SRSF3: variants seen among roughly 807,000 people sequenced by gnomAD.
The protein encoded by SRSF3 is serine and arginine rich splicing factor 3.
For synonymous variants in SRSF3, 87 were observed against 73.6 expected (o/e 1.18, Z -0.93); for missense variants, 58 against 217.1 (o/e 0.27, Z 4.61).
intron 4 of SRSF3, 30 bp from the exon 5 acceptor site, chr6:36,601,678 A>G (rs1778718492): frequency 1.3e-6 from 2 of 1,550,478 alleles, no homozygotes; most frequent in African/African-American, 1.4e-5. Flanking sequence ...ATCATACCTC[A>G]TTGGTCCTAA....
chr6:36,594,840 G>A (rs1264894503), intron 1 of SRSF3: 1 of 151,204 alleles, frequency 6.6e-6, no homozygotes. Flanking sequence ...TTTTTGTAAA[G>A]TCACTAACCA....
chr6:36,595,922 T>C (rs950785037), intron 1 of SRSF3, among the ~76,000 whole-genome samples: 18 of 147,204 alleles, frequency 1.2e-4, no homozygotes, highest in South Asian at 2.2e-4. Context: ...TATTTATTTA[T>C]TTATTTGTGG....
chr6:36,597,748 A>C (rs894279017), intron 2 of SRSF3, among the ~76,000 whole-genome samples: 2 of 151,656 alleles, frequency 1.3e-5, no homozygotes, highest in Admixed American at 6.6e-5. Flanking sequence ...CTCTTCAAAT[A>C]TGATAGCTTA....
chr6:36,602,304 G>T lies in SRSF3; in HGVS notation c.*315G>T, dbSNP rs749474215. ...CTCTAAACCTGCCCAGCGGAAGTGTGTTTTTTTTTAAATTTAAATACAGAA... is the reference window on the plus strand; with the variant it reads ...CTCTAAACCTGCCCAGCGGAAGTGTTTTTTTTTTTAAATTTAAATACAGAA... On this transcript the variant is annotated 3_prime_UTR_variant, in exon 6 of 6. Coordinates refer to ENST00000373715, the MANE Select transcript of SRSF3 (RefSeq NM_003017.5). 121 of 326,778 alleles carry T rather than the reference G, an allele frequency of 3.7e-4. No individual in the cohort carries two copies. The highest frequency in any genetic ancestry group is 1.0e-3 in the East Asian group (22 of 21,320). The allele number at this position is 326,778 out of a possible 1,614,324, so 20.2% of individuals were successfully genotyped here.
At position 36,604,155 on chromosome 6, in the gene SRSF3, G is replaced by T. The variant is rs73408349; in HGVS notation, c.*2166G>T. On this transcript the variant is annotated 3_prime_UTR_variant, in exon 6 of 6. Transcript: ENST00000373715. ...CCTAAAATAACAGGTCACACTAACC[G>T]GTCTTGTCCATATTCAGGGTTGAGT... 4.5e-6 allele frequency: 1 copy of T among 222,396 alleles called. No individual in the cohort carries two copies. The highest frequency in any genetic ancestry group is 9.0e-6 in the Non-Finnish European group (1 of 111,356). 13.8% of individuals were successfully genotyped at this position (222,396 alleles called of 1,614,324 possible). A position where few individuals can be genotyped will look rare whatever the true frequency, so the allele number is the denominator to read the frequency against.
chr6:36,597,504 G>A (rs1778650586), intron 2 of SRSF3, among the ~76,000 whole-genome samples: 1 of 151,890 alleles, frequency 6.6e-6, no homozygotes, highest in African/African-American at 2.4e-5. Flanking sequence ...ACTTTTATGT[G>A]TTTGAAATAC....
chr6:36,603,721 TCA>T lies in SRSF3; in HGVS notation c.*1735_*1736del. ...ATTGGGCATTTTGTCTTTAGTATTC[TCA>T]CATAGCCTACAACCTGTTCCTGTTA... On this transcript the variant is annotated 3_prime_UTR_variant, in exon 6 of 6. Coordinates refer to ENST00000373715, the MANE Select transcript of SRSF3 (RefSeq NM_003017.5). The T allele has an allele frequency of 8.7e-6, 2 of 230,952 alleles. No individual in the cohort carries two copies. The highest frequency in any genetic ancestry group is 1.7e-5 in the Non-Finnish European group (2 of 116,700). 14.3% of individuals were successfully genotyped at this position (230,952 alleles called of 1,614,324 possible). A position where few individuals can be genotyped will look rare whatever the true frequency, so the allele number is the denominator to read the frequency against.
chr6:36,595,178 TC>T lies in SRSF3; in HGVS notation c.-3+698del, dbSNP rs759164533. 1.1e-4 allele frequency among the ~76,000 whole-genome samples: 16 copies of T among 152,332 alleles called. 1 individual carries two copies. In the South Asian group the frequency reaches 2.1e-3, roughly 20 times the overall value. The stretch of plus-strand genomic sequence containing the variant: ...GAACGTGGTGTTTATGGAAAGCACT[TC>T]AGCTGAATTATTGAGTAGATGGTTT... On this transcript the variant is annotated intron_variant, in intron 1 of 5. Transcript: ENST00000373715.
intron 1 of SRSF3, among the ~76,000 whole-genome samples, chr6:36,595,542 C>T (rs1778612754): frequency 6.6e-6 from 1 of 152,310 alleles, no homozygotes; most frequent in Non-Finnish European, 1.5e-5. Context: ...ACTAATCTTC[C>T]TGTCTCTCTG....
rs1319238494 is a variant in SRSF3 at position 36,602,519 on chromosome 6, G to A, written c.*530G>A. 1 of 220,776 alleles carries A rather than the reference G, an allele frequency of 4.5e-6. No individual in the cohort carries two copies. Among genetic ancestry groups the A allele is most frequent in the Non-Finnish European group, 9.1e-6 (1 of 110,430 alleles). The allele number at this position is 220,776 out of a possible 1,614,324, so 13.7% of individuals were successfully genotyped here. ...TCTCATCCTGGGCAGAGGTTGCCTA[G>A]TTGGTATAGAATGTTAAGTTTCAAG... On this transcript the variant is annotated 3_prime_UTR_variant, in exon 6 of 6. Transcript: ENST00000373715.
chr6:36,594,822 T>C (rs957571915), intron 1 of SRSF3: 5 of 151,838 alleles, frequency 3.3e-5, no homozygotes, highest in African/African-American at 1.2e-4. Flanking sequence ...GGGAAGCTTC[T>C]CAGAATGTTT....
At chr6:36,601,940 C>CTTT (rs778276944) in intron 5 of SRSF3, 22 bp from the exon 6 acceptor site, 23,746 of 1,414,750 alleles carry the variant, frequency 0.017, 114 homozygotes, top group South Asian at 0.051. Flanking sequence ...GTTTTGTTTT[C>CTTT]TTTTTTTTTT....
chr6:36,601,680 T>C, intron 4 of SRSF3, 28 bp from the exon 5 acceptor site: 2 of 1,550,528 alleles, frequency 1.3e-6, no homozygotes, highest in South Asian at 1.1e-5. Flanking sequence ...CATACCTCAT[T>C]GGTCCTAATG....
In SRSF3 at chr6:36,596,792, T is replaced by C; in HGVS notation, c.30T>C (p.Cys10=). 4 of 1,614,094 alleles carry C rather than the reference T, an allele frequency of 2.5e-6. No homozygotes were observed. Among genetic ancestry groups the C allele is most frequent in the Non-Finnish European group, 3.4e-6 (4 of 1,180,000 alleles). Reference sequence around the variant, plus strand: ...ATCGTGATTCCTGTCCATTGGACTGTAAGGTTTATGTAGGCAATCTTGGAA... The same window carrying C: ...ATCGTGATTCCTGTCCATTGGACTGCAAGGTTTATGTAGGCAATCTTGGAA... MHRDSCPLD[C]KVYVGNLGNN... Residue 10 remains cysteine, a synonymous_variant, in exon 2 of 6, where the codon TGT becomes TGC. Transcript: ENST00000373715.
intron 2 of SRSF3, 137 bp from the exon 3 acceptor site, chr6:36,598,712 G>T: frequency 2.9e-6 from 3 of 1,041,918 alleles, no homozygotes; most frequent in Non-Finnish European, 4.1e-6. Context: ...AAAAATAAGG[G>T]AGCTAGAAAT....
rs1778729798 is a variant in SRSF3 at position 36,602,246 on chromosome 6, G to A, written c.*257G>A. On this transcript the variant is annotated 3_prime_UTR_variant, in exon 6 of 6. Coordinates refer to ENST00000373715, the MANE Select transcript of SRSF3 (RefSeq NM_003017.5). ...CCTTAAGCAAAATTGAATTTGCTTT[G>A]AACTTTTAGTTATGCACAGACTGAT... 4 of 609,422 alleles carry A rather than the reference G, an allele frequency of 6.6e-6. No homozygotes were observed. The Admixed American group carries it at 1.5e-4, about 23-fold the overall frequency. The allele number at this position is 609,422 out of a possible 1,614,324, so 37.8% of individuals were successfully genotyped here.
rs374629170 is a variant in SRSF3 at position 36,601,853 on chromosome 6, C to T, written c.467+59C>T. 4.3e-5 allele frequency: 68 copies of T among 1,595,422 alleles called. No individual in the cohort carries two copies. In the African/African-American group the frequency reaches 8.3e-4, roughly 19 times the overall value. On this transcript the variant is annotated intron_variant, in intron 5 of 5. Coordinates refer to ENST00000373715, the MANE Select transcript of SRSF3 (RefSeq NM_003017.5). ...GCATACATAGTATGCTAAGGCCTGT[C>T]TTCTAAGCCATAAATTTTTTACCTT... is the stretch of plus-strand genomic sequence containing the variant.
rs778276944 is a variant in SRSF3 at position 36,601,940 on chromosome 6, CTTTTTT to C, written c.468-8_468-3del. 62 of 1,433,110 alleles carry C rather than the reference CTTTTTT, an allele frequency of 4.3e-5. No homozygotes were observed. Among genetic ancestry groups the C allele is most frequent in the Admixed American group, 1.0e-4 (4 of 38,272 alleles). The allele number at this position is 1,433,110 out of a possible 1,614,324, so 88.8% of individuals were successfully genotyped here. A position where few individuals can be genotyped will look rare whatever the true frequency, so the allele number is the denominator to read the frequency against. On this transcript the variant is annotated splice_polypyrimidine_tract_variant and intron_variant, in intron 5 of 5. Transcript: ENST00000373715. ...AGTTACAGATGTAATGTTTTGTTTTCTTTTTTTTTTTTTTTTTTTAGTCGATCTAGG... is the reference window on the plus strand; with the variant it reads ...AGTTACAGATGTAATGTTTTGTTTTCTTTTTTTTTTTTTAGTCGATCTAGG...
At position 36,603,752 on chromosome 6, in the gene SRSF3, A is replaced by G. The variant is rs528053162; in HGVS notation, c.*1763A>G. ...AGCCTACAACCTGTTCCTGTTAGGA[A>G]CAAGCCAAGATAGCTAAGAAGTTAC... On this transcript the variant is annotated 3_prime_UTR_variant, in exon 6 of 6. Transcript: ENST00000373715. 15 of 231,102 alleles carry G rather than the reference A, an allele frequency of 6.5e-5. No homozygotes were observed. The highest frequency in any genetic ancestry group is 1.3e-4 in the Non-Finnish European group (15 of 116,832). 14.3% of individuals were successfully genotyped at this position (231,102 alleles called of 1,614,324 possible). A position where few individuals can be genotyped will look rare whatever the true frequency, so the allele number is the denominator to read the frequency against.
Sources: allele counts gnomAD v4.1 joint callset (sites outside exome capture counted in the v4.1 genomes callset), GRCh38; gene constraint gnomAD v4.1.1; transcripts MANE v1.5; gene names NCBI Gene and HGNC (gene_info 2026-07-23, HGNC 2026-07-21).